DAB1: variants seen among roughly 807,000 people sequenced by gnomAD.
DAB1 encodes disabled homolog 1.
In DAB1, 15 loss-of-function variants were observed where a neutral mutation model predicts 64.6. That is an observed-to-expected ratio of 0.23 (90% CI 0.16 to 0.36). The LOEUF (loss-of-function observed/expected upper bound fraction) is 0.36. Ranked by LOEUF, DAB1 falls within the 10% of genes least tolerant of loss-of-function variation. The pLI, the probability that DAB1 is intolerant of heterozygous loss-of-function variation, is 1.00. For synonymous variants in DAB1, 235 were observed against 251.9 expected (o/e 0.93, Z 0.64); for missense variants, 596 against 706.7 (o/e 0.84, Z 1.78).
At chr1:57,880,613 T>G (rs567347242) in intron 1 of DAB1, 96 of 152,310 alleles carry the variant, frequency 6.3e-4, no homozygotes, top group African/African-American at 2.2e-3. Context: ...CACACTACTT[T>G]CAATGTCTAT....
At chr1:58,105,235 G>A (rs1356536351) in intron 5 of DAB1, among the ~76,000 whole-genome samples, 1 of 152,200 alleles carries the variant, frequency 6.6e-6, no homozygotes, top group Non-Finnish European at 1.5e-5. Flanking sequence ...ATTTCTAAAT[G>A]CCTTCTGGGC....
At chr1:58,478,956 ACTG>A (rs1645446154) in intron 3 of DAB1, among the ~76,000 whole-genome samples, 1 of 152,220 alleles carries the variant, frequency 6.6e-6, no homozygotes. Context: ...TTGTATTTCA[ACTG>A]CTATTTAATT....
rs565587617 is a variant in DAB1, at chr1:57,737,255, G to C, written n.552-87590C>G. ...AAAGACAATGGTGCTTGTTGAGGCA[G>C]TGCACTTAACTCCGTGGCATAGAAC... On this transcript the variant is annotated intron_variant and non_coding_transcript_variant, in intron 6 of 20. Coordinates refer to the DAB1 transcript ENST00000485760. 2.0e-3 allele frequency among the ~76,000 whole-genome samples: 301 copies of C among 152,318 alleles called. 2 individuals carry two copies. Among genetic ancestry groups the C allele is most frequent in the African/African-American group, 7.0e-3 (291 of 41,566 alleles).
chr1:57,627,272 T>G (rs540959768), intron 7 of DAB1, among the ~76,000 whole-genome samples: 7 of 152,288 alleles, frequency 4.6e-5, no homozygotes, highest in African/African-American at 1.7e-4. Context: ...TGAAGCTGAC[T>G]TATACTCACT....
At chr1:57,600,735 T>C (rs1645567333) in intron 7 of DAB1, among the ~76,000 whole-genome samples, 2 of 152,324 alleles carry the variant, frequency 1.3e-5, no homozygotes, top group African/African-American at 2.4e-5. Flanking sequence ...GATGTAATTA[T>C]TGCAAAGCAG....
chr1:57,157,312 C>T (rs1660321745), intron 2 of DAB1, among the ~76,000 whole-genome samples: 1 of 152,090 alleles, frequency 6.6e-6, no homozygotes, highest in Admixed American at 6.6e-5. Context: ...TTTCTTATAT[C>T]AAGCTGAGTA....
chr1:57,193,110 C>A (rs1261395960), intron 2 of DAB1, among the ~76,000 whole-genome samples: 1 of 152,118 alleles, frequency 6.6e-6, no homozygotes, highest in African/African-American at 2.4e-5. Context: ...TCCAAGAACA[C>A]AGTGTTATTA....
At chr1:57,820,387 A>G (rs1286180819) in intron 6 of DAB1, among the ~76,000 whole-genome samples, 1 of 152,206 alleles carries the variant, frequency 6.6e-6, no homozygotes, top group African/African-American at 2.4e-5. Context: ...GTTGGGTCCA[A>G]GAAGATTTAA....
At chr1:58,388,096 G>A (rs1461475143) in intron 3 of DAB1, among the ~76,000 whole-genome samples, 1 of 152,150 alleles carries the variant, frequency 6.6e-6, no homozygotes, top group Non-Finnish European at 1.5e-5. Flanking sequence ...GGAAATTCCA[G>A]AGACAGTCCC....
At chr1:57,154,399 T>C (rs942943838) in intron 2 of DAB1, among the ~76,000 whole-genome samples, 23 of 152,246 alleles carry the variant, frequency 1.5e-4, no homozygotes, top group African/African-American at 5.1e-4. Flanking sequence ...GGAATAGTAC[T>C]CCATTATGTA....
At chr1:57,753,023 C>T (rs888237233) in intron 6 of DAB1, among the ~76,000 whole-genome samples, 7 of 152,118 alleles carry the variant, frequency 4.6e-5, no homozygotes, top group Non-Finnish European at 1.0e-4. Flanking sequence ...GACCTGTGTT[C>T]CCCGGGGCTG....
chr1:57,319,968 C>A (rs1232448826), intron 1 of DAB1, among the ~76,000 whole-genome samples: 1 of 152,138 alleles, frequency 6.6e-6, no homozygotes, highest in Non-Finnish European at 1.5e-5. Context: ...AAGGATGGCA[C>A]AGGGCTGAAA....
intron 9 of DAB1, among the ~76,000 whole-genome samples, chr1:57,056,822 C>T (rs1004662009): frequency 6.6e-6 from 1 of 151,990 alleles, no homozygotes; most frequent in African/African-American, 2.4e-5. Flanking sequence ...CAAGATCATG[C>T]CACTGCACTT....
chr1:57,660,636 G>A (rs1490783266), intron 6 of DAB1, among the ~76,000 whole-genome samples: 1 of 152,220 alleles, frequency 6.6e-6, no homozygotes, highest in Non-Finnish European at 1.5e-5. Flanking sequence ...GGCTGGGAGG[G>A]CTGCCCTCTG....
intron 3 of DAB1, among the ~76,000 whole-genome samples, chr1:58,453,307 G>A (rs1645159845): frequency 6.6e-6 from 1 of 152,168 alleles, no homozygotes; most frequent in South Asian, 2.1e-4. Flanking sequence ...GGTGATGGTA[G>A]TGTCACTAAT....
chr1:58,381,302 A>C (rs1255878597), intron 3 of DAB1, among the ~76,000 whole-genome samples: 2 of 152,186 alleles, frequency 1.3e-5, no homozygotes, highest in Non-Finnish European at 2.9e-5. Flanking sequence ...CCGAACTTAA[A>C]ATAAAAGTTG....
intron 2 of DAB1, among the ~76,000 whole-genome samples, chr1:57,165,251 T>C (rs917499440): frequency 1.5e-5 from 2 of 135,476 alleles, no homozygotes; most frequent in South Asian, 4.4e-4. Context: ...AAAAAATAGG[T>C]TTTTTTTTTA....
At chr1:57,482,495 A>C (rs1192515078) in intron 7 of DAB1, among the ~76,000 whole-genome samples, 3 of 151,104 alleles carry the variant, frequency 2.0e-5, no homozygotes, top group African/African-American at 4.8e-5. Flanking sequence ...AAAAAAAAAA[A>C]AAAAAAAAAC....
chr1:57,602,011 A>G (rs954305722), intron 7 of DAB1, among the ~76,000 whole-genome samples: 2 of 152,238 alleles, frequency 1.3e-5, no homozygotes, highest in Admixed American at 6.5e-5. Context: ...TGTAGGAGAT[A>G]GGATTAGAAG....
Sources: allele counts gnomAD v4.1 joint callset (sites outside exome capture counted in the v4.1 genomes callset), GRCh38; gene constraint gnomAD v4.1.1; transcripts MANE v1.5; gene names NCBI Gene and HGNC (gene_info 2026-07-23, HGNC 2026-07-21).